DSE: variants seen among roughly 807,000 people sequenced by gnomAD.
DSE encodes the protein dermatan sulfate epimerase.
In DSE, 36 loss-of-function variants were observed where a neutral mutation model predicts 84.4. That is an observed-to-expected ratio of 0.43 (90% CI 0.33 to 0.56). The LOEUF (loss-of-function observed/expected upper bound fraction) is 0.56. DSE is among the 20% of genes least tolerant of loss of function. DSE has a pLI of 0.06. For synonymous variants in DSE, 410 were observed against 430.1 expected (o/e 0.95, Z 0.58); for missense variants, 862 against 1,169.6 (o/e 0.74, Z 3.84).
Position 116,436,300 on chromosome 6 carries a change from A to C in DSE, c.1832A>C (p.Asp611Ala). ...GVHGAFIRQRDGLYKMYWMDD... is the reference protein window; with the variant it reads ...GVHGAFIRQRAGLYKMYWMDD... Reference sequence around the variant, plus strand: ...CATGGGGCTTTCATCAGGCAGAGAGATGGTCTCTATAAAATGTACTGGATG... The same window carrying C: ...CATGGGGCTTTCATCAGGCAGAGAGCTGGTCTCTATAAAATGTACTGGATG... Residue 611 changes from aspartate to alanine, a missense_variant, in exon 6 of 6, where the codon GAT (aspartate) becomes GCT (alanine). By Grantham distance (126) the Asp-to-Ala change is moderately radical (BLOSUM62 -2). Coordinates refer to ENST00000644252, the MANE Select transcript of DSE (RefSeq NM_013352.4). 1 of 1,614,118 alleles carries C rather than the reference A, an allele frequency of 6.2e-7. No individual in the cohort carries two copies. Among genetic ancestry groups the C allele is most frequent in the Non-Finnish European group, 8.5e-7 (1 of 1,179,986 alleles).
At chr6:116,258,948 A>T (rs1439723945) in exon 2 of DSE, 1 of 1,521,602 alleles carries the variant, frequency 6.6e-7, no homozygotes, top group African/African-American at 1.4e-5. Context: ...ATTTGGCGGC[A>T]TACCACCCTG....
intron 2 of DSE, among the ~76,000 whole-genome samples, chr6:116,338,219 C>CTTTTTTTTTTTTTTTTT (rs893312210): frequency 1.4e-4 from 13 of 91,188 alleles, no homozygotes; most frequent in African/African-American, 4.2e-4. Flanking sequence ...TTTCTTCTTT[C>CTTTTTTTTTTTTTTTTT]TTTTTTTTTT....
chr6:116,405,651 A>G (rs1388116458), intron 2 of DSE, among the ~76,000 whole-genome samples: 1 of 152,312 alleles, frequency 6.6e-6, no homozygotes, highest in African/African-American at 2.4e-5. Context: ...TTTTACAACG[A>G]TCAAATTATT....
chr6:116,327,523 T>C (rs1049284108), intron 2 of DSE, among the ~76,000 whole-genome samples: 1 of 152,216 alleles, frequency 6.6e-6, no homozygotes, highest in Non-Finnish European at 1.5e-5. Flanking sequence ...GGATGGATTT[T>C]CTTGTCAAGA....
chr6:116,428,022 C>T (rs113671081), intron 3 of DSE, among the ~76,000 whole-genome samples: 1,705 of 152,260 alleles, frequency 0.011, 34 homozygotes, highest in African/African-American at 0.039. Context: ...AATCCCGTCT[C>T]TACTAAAAAT....
intron 2 of DSE, among the ~76,000 whole-genome samples, chr6:116,339,290 C>T (rs1008723173): frequency 6.6e-6 from 1 of 150,778 alleles, no homozygotes; most frequent in African/African-American, 2.4e-5. Flanking sequence ...AAAGTAATAA[C>T]ATTCCCCCCA....
intron 2 of DSE, among the ~76,000 whole-genome samples, chr6:116,284,339 C>A (rs1462711122): frequency 1.3e-5 from 2 of 151,974 alleles, no homozygotes; most frequent in East Asian, 3.9e-4. Flanking sequence ...TCATAAGAAC[C>A]CCATGAGGTA....
intron 2 of DSE, among the ~76,000 whole-genome samples, chr6:116,285,226 A>G (rs1385539706): frequency 6.6e-6 from 1 of 152,088 alleles, no homozygotes; most frequent in Non-Finnish European, 1.5e-5. Context: ...CTGGTATGAG[A>G]TGGTATCTCA....
intron 2 of DSE, among the ~76,000 whole-genome samples, chr6:116,284,506 C>A (rs1773745681): frequency 6.6e-6 from 1 of 151,868 alleles, no homozygotes; most frequent in Non-Finnish European, 1.5e-5. Context: ...AACTCACTTT[C>A]TTTTTTTTAT....
chr6:116,441,451 T>C lies in DSE; in HGVS notation c.*4106T>C, dbSNP rs938598368. ...ATTCTTAGTTTGTACTTCCCAGAAG[T>C]AACCAATTTCTAATTCTTTTGGCTG... On this transcript the variant is annotated 3_prime_UTR_variant, in exon 6 of 6. Coordinates refer to ENST00000644252, the MANE Select transcript of DSE (RefSeq NM_013352.4). The C allele has an allele frequency of 6.6e-6, 1 of 152,220 alleles. No homozygotes were observed. The highest frequency in any genetic ancestry group is 2.4e-5 in the African/African-American group (1 of 41,462). The allele number at this position is 152,220 out of a possible 1,614,324, so 9.4% of individuals were successfully genotyped here.
chr6:116,277,513 G>A (rs1773203314), intron 2 of DSE: 1 of 152,224 alleles, frequency 6.6e-6, no homozygotes, highest in Non-Finnish European at 1.5e-5. Flanking sequence ...CTAGGAAGTA[G>A]GAAGTTGGGA....
chr6:116,424,203 A>G (rs1018596367), intron 2 of DSE, among the ~76,000 whole-genome samples: 7 of 152,198 alleles, frequency 4.6e-5, no homozygotes, highest in Non-Finnish European at 1.0e-4. Flanking sequence ...ACCAGTCACC[A>G]TGAGTCAGTG....
At chr6:116,363,228 T>C (rs1778997185) in intron 2 of DSE, among the ~76,000 whole-genome samples, 1 of 152,066 alleles carries the variant, frequency 6.6e-6, no homozygotes, top group South Asian at 2.1e-4. Flanking sequence ...GAAAGTGAGA[T>C]ATTTAAATAT....
At chr6:116,291,023 C>T (rs760802328) in intron 2 of DSE, among the ~76,000 whole-genome samples, 33 of 152,172 alleles carry the variant, frequency 2.2e-4, no homozygotes, top group Non-Finnish European at 3.5e-4. Context: ...CAGACCACTT[C>T]GTCTGTTCTT....
In DSE at chr6:116,408,625, G is replaced by A. The variant is rs531500880; in HGVS notation, c.416+8959G>A. Among the ~76,000 whole-genome samples, 75 of 152,220 alleles carry A rather than the reference G, an allele frequency of 4.9e-4. 2 individuals are homozygous for A. In the South Asian group the frequency reaches 8.5e-3, roughly 17 times the overall value. The stretch of plus-strand genomic sequence containing the variant: ...TCTGAAGACGTGCCTGTCATCAGCC[G>A]TTTGTCTGTCAGCCTGTAATCACAG... On this transcript the variant is annotated intron_variant, in intron 2 of 5. Transcript: ENST00000644252.
intron 2 of DSE, among the ~76,000 whole-genome samples, chr6:116,341,361 G>T (rs1777580576): frequency 6.6e-6 from 1 of 152,098 alleles, no homozygotes; most frequent in Non-Finnish European, 1.5e-5. Context: ...TGAGTTCTTT[G>T]TAGATTCTGG....
rs73767703 is a variant in DSE at position 116,258,897 on chromosome 6, A to G, written c.-124A>G. On this transcript the variant is annotated 5_prime_UTR_variant, in exon 2 of 4. Transcript: ENST00000430252. ...TGCAGCCGTGCATCATCATGGAGTT[A>G]GTAAGGCGCTCCACAATGGGACACT... 5,581 of 1,596,764 alleles carry G rather than the reference A, an allele frequency of 3.5e-3. 177 individuals carry two copies. In the African/African-American group the frequency reaches 0.065, roughly 19 times the overall value.
At chr6:116,279,093 G>C (rs1182875297) in intron 2 of DSE, 2 of 1,613,758 alleles carry the variant, frequency 1.2e-6, no homozygotes, top group Admixed American at 1.7e-5. Context: ...AGGCCCTGTC[G>C]GCCTGAGCAT....
At chr6:116,432,714 T>C (rs1783921006) in intron 4 of DSE, 1 of 152,034 alleles carries the variant, frequency 6.6e-6, no homozygotes. Flanking sequence ...ACGTGGAGCA[T>C]ATCCAGTCTT....
Sources: allele counts gnomAD v4.1 joint callset (sites outside exome capture counted in the v4.1 genomes callset), GRCh38; gene constraint gnomAD v4.1.1; transcripts MANE v1.5; gene names NCBI Gene and HGNC (gene_info 2026-07-23, HGNC 2026-07-21).